Variants in STUM observed in about 807,000 individuals in gnomAD.
STUM encodes stum, mechanosensory transduction mediator homolog, also known as protein stum homolog.
STUM carries 8 observed loss-of-function variants against 15.3 expected under a neutral mutation model. That is an observed-to-expected ratio of 0.52 (90% CI 0.31 to 0.94). The LOEUF is 0.94. Ranked by LOEUF, STUM falls within the 40% of genes least tolerant of loss-of-function variation. The pLI, the probability that STUM is intolerant of heterozygous loss-of-function variation, is 0.05. For synonymous variants in STUM, 78 were observed against 88.7 expected (o/e 0.88, Z 0.68); for missense variants, 142 against 204.9 (o/e 0.69, Z 1.87).
intron 1 of STUM, among the ~76,000 whole-genome samples, chr1:226,577,869 C>A (rs573365388): frequency 4.6e-5 from 7 of 152,064 alleles, no homozygotes; most frequent in Non-Finnish European, 1.0e-4. Flanking sequence ...GACAGTAGGG[C>A]GGGGGAGAGT....
chr1:226,590,792 G>A (rs1039105406), intron 1 of STUM, among the ~76,000 whole-genome samples: 4 of 152,218 alleles, frequency 2.6e-5, no homozygotes, highest in Non-Finnish European at 4.4e-5. Flanking sequence ...CGGCCTGTCT[G>A]CAGATGCTTT....
chr1:226,585,893 T>C (rs980212999), intron 1 of STUM, among the ~76,000 whole-genome samples: 2 of 152,164 alleles, frequency 1.3e-5, no homozygotes, highest in African/African-American at 4.8e-5. Flanking sequence ...ATTTATTTCT[T>C]ACAGTTTTGG....
At chr1:226,582,304 C>A (rs890585676) in intron 1 of STUM, among the ~76,000 whole-genome samples, 4 of 152,186 alleles carry the variant, frequency 2.6e-5, no homozygotes, top group African/African-American at 9.7e-5. Context: ...TTTAAGACAC[C>A]AGTATGGGCT....
At chr1:226,593,185 CAAAA>C (rs72490675) in intron 1 of STUM, among the ~76,000 whole-genome samples, 1 of 125,334 alleles carries the variant, frequency 8.0e-6, no homozygotes, top group Non-Finnish European at 1.7e-5. Context: ...GACTCCGTCT[CAAAA>C]AAAAAAAAAA....
At chr1:226,597,823 G>C (rs1414734119) in intron 2 of STUM, among the ~76,000 whole-genome samples, 2 of 152,216 alleles carry the variant, frequency 1.3e-5, no homozygotes, top group Non-Finnish European at 2.9e-5. Flanking sequence ...TGGCAGCAGA[G>C]ATCACAGGAG....
At chr1:226,571,953 C>T (rs1667718420) in intron 1 of STUM, among the ~76,000 whole-genome samples, 1 of 152,260 alleles carries the variant, frequency 6.6e-6, no homozygotes, top group African/African-American at 2.4e-5. Context: ...TTTTCCCTTC[C>T]TTATTCTCCT....
chr1:226,556,927 A>T (rs1301108769), intron 1 of STUM, among the ~76,000 whole-genome samples: 1 of 152,256 alleles, frequency 6.6e-6, no homozygotes, highest in Non-Finnish European at 1.5e-5. Flanking sequence ...TGGAATAATT[A>T]CATCAAGCTA....
intron 1 of STUM, among the ~76,000 whole-genome samples, chr1:226,577,975 C>T (rs1296247224): frequency 6.6e-6 from 1 of 152,164 alleles, no homozygotes; most frequent in South Asian, 2.1e-4. Context: ...AGGTCTGCCC[C>T]CTCGGCCTCT....
Position 226,604,761 on chromosome 1 carries a change from G to T in STUM, c.*2721G>T, listed in dbSNP as rs1353223603. 6.6e-6 allele frequency: 1 copy of T among 152,322 alleles called. No homozygotes were observed. The highest frequency in any genetic ancestry group is 2.4e-5 in the African/African-American group (1 of 41,464). The allele number at this position is 152,322 out of a possible 1,614,324, so 9.4% of individuals were successfully genotyped here. ...GCTTTGCCTGCATAGTGCAGACAAGGCTGTTGGTTCAGAGGCTGCAGGGCA... is the reference window on the plus strand; with the variant it reads ...GCTTTGCCTGCATAGTGCAGACAAGTCTGTTGGTTCAGAGGCTGCAGGGCA... On this transcript the variant is annotated 3_prime_UTR_variant, in exon 4 of 4. Transcript: ENST00000366788. This position sits in a 1 kb window ranked among gnomAD's most constrained non-coding sequence, Gnocchi z 4.7.
At chr1:226,597,872 A>G (rs1232477032) in intron 2 of STUM, among the ~76,000 whole-genome samples, 1 of 152,204 alleles carries the variant, frequency 6.6e-6, no homozygotes, top group African/African-American at 2.4e-5. Context: ...TCCCAGAATC[A>G]GAGCAAACCA....
intron 1 of STUM, among the ~76,000 whole-genome samples, chr1:226,559,840 G>T (rs1389560229): frequency 6.6e-6 from 1 of 152,198 alleles, no homozygotes. Context: ...GGGCATGGTG[G>T]CGGGTGCCTG....
At position 226,601,867 on chromosome 1, in the gene STUM, T is replaced by C. The variant is rs568661648; in HGVS notation, c.392-139T>C. The C allele has an allele frequency of 2.8e-4, 197 of 703,690 alleles. 1 individual carries two copies. The South Asian group carries it at 2.9e-3, about 10-fold the overall frequency. The allele number at this position is 703,690 out of a possible 1,614,324, so 43.6% of individuals were successfully genotyped here. On this transcript the variant is annotated intron_variant, in intron 3 of 3. Coordinates refer to ENST00000366788, the MANE Select transcript of STUM (RefSeq NM_001003665.4). ...AGAAAGTCAAAGCCCTTGGGAAAAG[T>C]TGTGCTCTGATGGTAGCAGTCATTT...
chr1:226,590,450 C>T (rs774423579), intron 1 of STUM, among the ~76,000 whole-genome samples: 2 of 152,080 alleles, frequency 1.3e-5, no homozygotes, highest in Non-Finnish European at 2.9e-5. Flanking sequence ...GTTTCTGGGA[C>T]GCCCTCCCCT....
At chr1:226,550,214 G>C (rs7521616) in intron 1 of STUM, among the ~76,000 whole-genome samples, 21,673 of 152,154 alleles carry the variant, frequency 0.14, 1,780 homozygotes, top group African/African-American at 0.23. Context: ...CGGTCTCCTC[G>C]CTCTTCGCCT....
At chr1:226,563,916 C>T (rs1022501590) in intron 1 of STUM, among the ~76,000 whole-genome samples, 9 of 152,214 alleles carry the variant, frequency 5.9e-5, no homozygotes, top group African/African-American at 2.2e-4. Flanking sequence ...GCCCAAATAG[C>T]TGGGGTTCTG....
chr1:226,562,675 G>A, intron 1 of STUM, among the ~76,000 whole-genome samples: 1 of 152,084 alleles, frequency 6.6e-6, no homozygotes, highest in Non-Finnish European at 1.5e-5. Flanking sequence ...ATTGAGGGGT[G>A]TTCTACAAGG....
chr1:226,600,310 G>A lies in STUM; in HGVS notation c.383-356G>A, dbSNP rs565707456. 2.0e-5 allele frequency among the ~76,000 whole-genome samples: 3 copies of A among 152,314 alleles called. No individual in the cohort carries two copies. The highest frequency in any genetic ancestry group is 1.9e-4 in the East Asian group (1 of 5,182). ...GAGATTCTGTGTCAAAAGAAGACAA[G>A]AATAAAGAATGAAGGCAGCAGTGTG... is the stretch of plus-strand genomic sequence containing the variant. On this transcript the variant is annotated intron_variant, in intron 2 of 3. Coordinates refer to ENST00000366788, the MANE Select transcript of STUM (RefSeq NM_001003665.4). The surrounding 1 kb of genome is among the most constrained non-coding windows in gnomAD (Gnocchi z 5.2).
chr1:226,557,445 G>A (rs757608778), intron 1 of STUM, among the ~76,000 whole-genome samples: 6 of 152,128 alleles, frequency 3.9e-5, no homozygotes, highest in South Asian at 4.2e-4. Context: ...GTAAACATGG[G>A]GTGCAGACAT....
intron 1 of STUM, among the ~76,000 whole-genome samples, chr1:226,579,916 G>A (rs1356771960): frequency 6.6e-6 from 1 of 152,146 alleles, no homozygotes; most frequent in Non-Finnish European, 1.5e-5. Flanking sequence ...GAGCCACCCT[G>A]CCCTGCCCCT....
Sources: gnomAD v4.1 joint callset for allele counts (sites outside exome capture counted in the v4.1 genomes callset) on GRCh38, gnomAD v4.1.1 for gene constraint, Gnocchi (gnomAD v3.1) non-coding constraint, MANE v1.5 for transcripts, NCBI Gene and HGNC (gene_info 2026-07-23, HGNC 2026-07-21) for gene names.